Variants in LAMC3 observed in about 807,000 individuals in gnomAD.
The protein encoded by LAMC3 is laminin subunit gamma-3.
In LAMC3, 128 loss-of-function variants were observed where a neutral mutation model predicts 173.8. The ratio of observed to expected loss-of-function variants is 0.74; its 90% CI spans 0.64 to 0.85. The LOEUF (loss-of-function observed/expected upper bound fraction) is 0.85. Ranked by LOEUF, LAMC3 falls within the 40% of genes least tolerant of loss-of-function variation. The probability of loss-of-function intolerance (pLI) is 0.00; values close to 1 mark genes in which losing one functional copy is unlikely to be tolerated. For synonymous variants in LAMC3, 897 were observed against 909.1 expected, an observed-to-expected ratio of 0.99 and a Z score of 0.24; for missense variants, 2,022 against 2,156.0, an observed-to-expected ratio of 0.94 and a Z score of 1.23.
At chr9:131,033,648 C>G (rs1833889076) in intron 3 of LAMC3, among the ~76,000 whole-genome samples, 1 of 152,070 alleles carries the variant, frequency 6.6e-6, no homozygotes, top group Non-Finnish European at 1.5e-5. Context: ...CCCCAAACCC[C>G]TGACAGCCAA....
intron 11 of LAMC3, among the ~76,000 whole-genome samples, chr9:131,053,669 C>T (rs1273822753): frequency 1.3e-5 from 2 of 152,168 alleles, no homozygotes; most frequent in Non-Finnish European, 2.9e-5. Context: ...CCCACCTCTA[C>T]TAAAAATACA....
intron 6 of LAMC3, among the ~76,000 whole-genome samples, chr9:131,041,232 T>C (rs1214591794): frequency 1.3e-5 from 2 of 151,962 alleles, no homozygotes; most frequent in African/African-American, 4.8e-5. Context: ...CTGGACATGG[T>C]GATGCATGCC....
At chr9:131,056,837 C>G in intron 11 of LAMC3, 92 bp from the exon 12 acceptor site, 1 of 930,456 alleles carries the variant, frequency 1.1e-6, no homozygotes, top group Non-Finnish European at 1.8e-6. Flanking sequence ...TATACGTGGG[C>G]CTGGTCCATA....
chr9:131,085,637 A>T lies in LAMC3; in HGVS notation c.4144A>T (p.Arg1382Trp). The T allele has an allele frequency of 6.2e-7, 1 of 1,614,194 alleles. No individual in the cohort carries two copies. Among genetic ancestry groups the T allele is most frequent in the Non-Finnish European group, 8.5e-7 (1 of 1,180,042 alleles). The change falls in exon 25 of 28, where the codon AGG (arginine) becomes TGG (tryptophan). Residue 1382 changes from arginine (R) to tryptophan (W), a missense_variant. Physicochemically the swap from Arg to Trp is moderately radical, Grantham distance 101 (BLOSUM62 -3). Transcript: ENST00000361069. Reference sequence around the variant, plus strand: ...GAGAAAGAAGACCAAGCAGGCGGAGAGGATGCTGGGAAACGCGGCCCCTCT... The same window carrying T: ...GAGAAAGAAGACCAAGCAGGCGGAGTGGATGCTGGGAAACGCGGCCCCTCT... ...DTRKKTKQAE[R>W]MLGNAAPLSS...
chr9:131,073,939 C>A (rs928479858), intron 20 of LAMC3, among the ~76,000 whole-genome samples: 1 of 131,908 alleles, frequency 7.6e-6, no homozygotes, highest in Non-Finnish European at 1.6e-5. Flanking sequence ...TTTTTCTTTT[C>A]TTTTCTTTTT....
intron 11 of LAMC3, among the ~76,000 whole-genome samples, chr9:131,053,805 A>C (rs934096780): frequency 2.0e-3 from 102 of 52,134 alleles, no homozygotes; most frequent in African/African-American, 0.011. Flanking sequence ...TGCACTCCAG[A>C]CTGGGCGACA....
At chr9:131,058,014 G>A (rs762983470) in intron 12 of LAMC3, among the ~76,000 whole-genome samples, 1 of 152,244 alleles carries the variant, frequency 6.6e-6, no homozygotes, top group Non-Finnish European at 1.5e-5. Flanking sequence ...CAGATGCATG[G>A]CCAGCAGGTG....
intron 1 of LAMC3, among the ~76,000 whole-genome samples, chr9:131,012,969 A>G (rs1833450814): frequency 1.3e-5 from 2 of 152,232 alleles, no homozygotes; most frequent in Non-Finnish European, 2.9e-5. Context: ...GGGCTCTGGC[A>G]GCCCCAGCCC....
At position 131,040,642 on chromosome 9, in the gene LAMC3, C is replaced by T. The variant is rs138526029; in HGVS notation, c.1284-995C>T. On this transcript the variant is annotated intron_variant, in intron 6 of 27. Transcript: ENST00000361069. Reference sequence around the variant, plus strand: ...CCATGAGATGGGGCCTGGCTGCTTCCCTGGGGTCCCTCTGTCCTCTGGACC... The same window carrying T: ...CCATGAGATGGGGCCTGGCTGCTTCTCTGGGGTCCCTCTGTCCTCTGGACC... Among the ~76,000 whole-genome samples, 765 of 152,242 alleles carry T rather than the reference C, an allele frequency of 5.0e-3. 4 individuals carry two copies. The highest frequency in any genetic ancestry group is 0.017 in the African/African-American group (718 of 41,538).
At chr9:131,014,592 C>T (rs1182775616) in intron 1 of LAMC3, among the ~76,000 whole-genome samples, 6 of 152,224 alleles carry the variant, frequency 3.9e-5, no homozygotes, top group Non-Finnish European at 7.3e-5. Context: ...TGTTTTCACA[C>T]CTGTGCCCCA....
chr9:131,075,807 G>C (rs779383708), intron 20 of LAMC3, 24 bp from the exon 21 acceptor site: 6 of 1,603,422 alleles, frequency 3.7e-6, no homozygotes, highest in Admixed American at 1.7e-5. Context: ...CCTTGGTAAT[G>C]CTCAGGTGGG....
chr9:131,086,931 C>T (rs1360834976), intron 25 of LAMC3, among the ~76,000 whole-genome samples: 2 of 151,914 alleles, frequency 1.3e-5, no homozygotes, highest in African/African-American at 2.4e-5. Flanking sequence ...CACTATGTTG[C>T]CCAGGCTGGT....
chr9:131,038,533 A>G (rs1237851767), intron 4 of LAMC3, among the ~76,000 whole-genome samples: 1 of 152,080 alleles, frequency 6.6e-6, no homozygotes, highest in Non-Finnish European at 1.5e-5. Context: ...GGAGAGAGCC[A>G]AGCTGCCACT....
At chr9:131,054,590 C>T (rs888047842) in intron 11 of LAMC3, among the ~76,000 whole-genome samples, 1 of 152,046 alleles carries the variant, frequency 6.6e-6, no homozygotes, top group Non-Finnish European at 1.5e-5. Context: ...CCCATCTCTA[C>T]TAAAAATACA....
In LAMC3 at chr9:131,062,384, T is replaced by A. The variant is rs557865601; in HGVS notation, c.2347+1161T>A. On this transcript the variant is annotated intron_variant, in intron 13 of 27. Coordinates refer to ENST00000361069, the MANE Select transcript of LAMC3 (RefSeq NM_006059.4). ...CTCAAAAAATAAAATAAAGTATAAT[T>A]CAATGACTTTTGACATGTTACAATA... Among the ~76,000 whole-genome samples the A allele has an allele frequency of 1.2e-4, 19 of 152,120 alleles. No homozygotes were observed. In the South Asian group the frequency reaches 3.7e-3, roughly 30 times the overall value.
At chr9:131,055,637 G>T (rs1418536519) in intron 11 of LAMC3, among the ~76,000 whole-genome samples, 5 of 151,132 alleles carry the variant, frequency 3.3e-5, no homozygotes, top group Admixed American at 6.6e-5. Context: ...GTGTTAGCCA[G>T]GATGGTCTCG....
chr9:131,032,585 T>TCTCTCTCGCTTG (rs1189120223), intron 3 of LAMC3, among the ~76,000 whole-genome samples: 2 of 147,318 alleles, frequency 1.4e-5, no homozygotes, highest in Non-Finnish European at 3.0e-5. Context: ...TCTCGCTTGC[T>TCTCTCTCGCTTG]CTCTTTCTCA....
rs569813103 is a variant in LAMC3 at position 131,092,071 on chromosome 9, G to T, written c.*284G>T. The T allele has an allele frequency of 6.1e-5, 31 of 505,190 alleles. 1 individual carries two copies. Among genetic ancestry groups the T allele is most frequent in the Middle Eastern group, 1.1e-3 (2 of 1,810 alleles). 31.3% of individuals were successfully genotyped at this position (505,190 alleles called of 1,614,324 possible). A position where few individuals can be genotyped will look rare whatever the true frequency, so the allele number is the denominator to read the frequency against. ...GTGTCAATAACATACACACGTGAGG[G>T]TGCATGTCTGTGTGTATGACCCACA... On this transcript the variant is annotated 3_prime_UTR_variant, in exon 28 of 28. Transcript: ENST00000361069.
chr9:131,089,261 A>G (rs984391936), intron 27 of LAMC3, among the ~76,000 whole-genome samples: 4 of 151,930 alleles, frequency 2.6e-5, no homozygotes, highest in African/African-American at 9.7e-5. Flanking sequence ...CCAACATGGC[A>G]CATGTATACA....
Sources: gnomAD v4.1 joint callset for allele counts (sites outside exome capture counted in the v4.1 genomes callset) on GRCh38, gnomAD v4.1.1 for gene constraint, MANE v1.5 for transcripts, NCBI Gene and HGNC (gene_info 2026-07-23, HGNC 2026-07-21) for gene names.